DSCAM: variants seen among roughly 807,000 people sequenced by gnomAD.
DSCAM encodes the protein cell adhesion molecule DSCAM.
In DSCAM, 47 loss-of-function variants were observed where a neutral mutation model predicts 217.7. The observed-to-expected ratio is 0.22, with a 90% CI of 0.17 to 0.28. The LOEUF is 0.28. DSCAM is among the 10% of genes least tolerant of loss of function. The pLI, the probability that DSCAM is intolerant of heterozygous loss-of-function variation, is 1.00. For missense variants in DSCAM, 2,080 were observed against 2,618.3 expected (o/e 0.79, Z 4.49); for synonymous variants, 1,056 against 1,015.3 (o/e 1.04, Z -0.76).
At chr21:40,150,001 C>A (rs1435575414) in intron 16 of DSCAM, among the ~76,000 whole-genome samples, 1 of 152,258 alleles carries the variant, frequency 6.6e-6, no homozygotes, top group Non-Finnish European at 1.5e-5. Context: ...ACAATGACCA[C>A]AACTACTACT....
intron 3 of DSCAM, among the ~76,000 whole-genome samples, chr21:40,575,387 C>G (rs1188165162): frequency 1.3e-5 from 2 of 152,042 alleles, no homozygotes; most frequent in Non-Finnish European, 2.9e-5. Context: ...GTTTGGTGAT[C>G]TCTTCACACG....
chr21:40,296,722 T>C (rs564953590), intron 9 of DSCAM, among the ~76,000 whole-genome samples: 35 of 149,658 alleles, frequency 2.3e-4, no homozygotes, highest in Non-Finnish European at 4.0e-4. Flanking sequence ...TCCTAGCTAC[T>C]CAGGAGGCGG....
chr21:40,462,891 T>C (rs545975030), intron 3 of DSCAM, among the ~76,000 whole-genome samples: 1 of 152,312 alleles, frequency 6.6e-6, no homozygotes, highest in Admixed American at 6.5e-5. Context: ...CAACCCCCAG[T>C]CATTTCTGAA....
chr21:40,538,606 T>C (rs2076518409), intron 3 of DSCAM, among the ~76,000 whole-genome samples: 1 of 152,188 alleles, frequency 6.6e-6, no homozygotes, highest in Admixed American at 6.5e-5. Flanking sequence ...TGCCATACAA[T>C]GAATTCTGGA....
intron 20 of DSCAM, among the ~76,000 whole-genome samples, chr21:40,096,567 AGT>A (rs2089680482): frequency 6.6e-6 from 1 of 152,186 alleles, no homozygotes; most frequent in Admixed American, 6.5e-5. Context: ...ACATGCACAT[AGT>A]GGAGTTCCTA....
intron 3 of DSCAM, among the ~76,000 whole-genome samples, chr21:40,488,625 C>A (rs996264690): frequency 1.3e-5 from 2 of 152,126 alleles, no homozygotes; most frequent in South Asian, 2.1e-4. Context: ...TCACTAAAGA[C>A]GCCACTGTGA....
chr21:40,443,780 G>A (rs2075651763), intron 3 of DSCAM, among the ~76,000 whole-genome samples: 1 of 152,152 alleles, frequency 6.6e-6, no homozygotes, highest in African/African-American at 2.4e-5. Flanking sequence ...CATTCCTACA[G>A]TTGTAGTGAT....
At chr21:40,408,338 A>C (rs2075295822) in intron 3 of DSCAM, among the ~76,000 whole-genome samples, 1 of 152,168 alleles carries the variant, frequency 6.6e-6, no homozygotes, top group Non-Finnish European at 1.5e-5. Context: ...AAGGTAACTT[A>C]TTAAAATAGA....
chr21:40,389,513 C>T lies in DSCAM; in HGVS notation c.509-20268G>A, dbSNP rs575877462. Among the ~76,000 whole-genome samples the T allele has an allele frequency of 7.9e-5, 12 of 152,296 alleles. No individual in the cohort carries two copies. In the East Asian group the frequency reaches 1.9e-3, roughly 24 times the overall value. ...CATAATAGGATTTTTATCATTAATA[C>T]TGTCCAGGTATATTGATTAAATTAT... is the stretch of plus-strand genomic sequence containing the variant. On this transcript the variant is annotated intron_variant, in intron 3 of 32. Coordinates refer to ENST00000400454, the MANE Select transcript of DSCAM (RefSeq NM_001389.5).
chr21:40,090,042 G>T (rs973401598), intron 21 of DSCAM, among the ~76,000 whole-genome samples: 10 of 151,952 alleles, frequency 6.6e-5, no homozygotes, highest in African/African-American at 2.4e-4. Context: ...TCACACTTCT[G>T]GGCTTCCCTC....
At chr21:40,584,439 C>T (rs555956215) in intron 3 of DSCAM, among the ~76,000 whole-genome samples, 2 of 152,150 alleles carry the variant, frequency 1.3e-5, no homozygotes, top group African/African-American at 2.4e-5. Context: ...TCAGAAGCGT[C>T]GGCAGCAGGG....
At position 40,620,135 on chromosome 21, in the gene DSCAM, AAG is replaced by A. The variant is rs768744422; in HGVS notation, c.508+72673_508+72674del. On this transcript the variant is annotated intron_variant, in intron 3 of 32. Coordinates refer to ENST00000400454, the MANE Select transcript of DSCAM (RefSeq NM_001389.5). ...AGAAAAAGAAAGAAAGAGAGAGAGA[AAG>A]AGAGAGAAAAAAGAAAAAGAAAGAA... Among the ~76,000 whole-genome samples the A allele has an allele frequency of 6.6e-3, 709 of 107,104 alleles. 44 individuals carry two copies. The highest frequency in any genetic ancestry group is 9.7e-3 in the Non-Finnish European group (515 of 52,852). The allele number at this position is 107,104 out of a possible 152,430, so 70.3% of individuals were successfully genotyped here. A position where few individuals can be genotyped will look rare whatever the true frequency, so the allele number is the denominator to read the frequency against.
intron 3 of DSCAM, among the ~76,000 whole-genome samples, chr21:40,484,065 C>A (rs966922219): frequency 6.6e-6 from 1 of 152,204 alleles, no homozygotes; most frequent in Non-Finnish European, 1.5e-5. Flanking sequence ...AGATGTTAGA[C>A]AAGGTTCTTG....
chr21:40,271,301 G>A (rs2073612990), intron 11 of DSCAM, among the ~76,000 whole-genome samples: 1 of 152,234 alleles, frequency 6.6e-6, no homozygotes, highest in Non-Finnish European at 1.5e-5. Context: ...CTCCAGGGAA[G>A]CGCCTGTTCC....
chr21:40,109,114 C>T (rs2089861325), intron 20 of DSCAM, among the ~76,000 whole-genome samples: 1 of 152,098 alleles, frequency 6.6e-6, no homozygotes, highest in African/African-American at 2.4e-5. Flanking sequence ...GATGAAGACA[C>T]CAAAAGCAAT....
At chr21:40,799,632 C>G (rs7282394) in intron 1 of DSCAM, among the ~76,000 whole-genome samples, 137,699 of 152,256 alleles carry the variant, frequency 0.9, 62,365 homozygotes, top group African/African-American at 0.94. Context: ...AGCTTTTCCA[C>G]CTCATAAAGT....
chr21:40,474,734 T>C (rs577465046), intron 3 of DSCAM, among the ~76,000 whole-genome samples: 4 of 152,234 alleles, frequency 2.6e-5, no homozygotes, highest in African/African-American at 9.6e-5. Context: ...CCAGACATAA[T>C]AAATAATGGT....
intron 6 of DSCAM, among the ~76,000 whole-genome samples, chr21:40,344,187 C>G (rs1056812650): frequency 9.9e-5 from 15 of 152,174 alleles, no homozygotes; most frequent in African/African-American, 3.4e-4. Context: ...GCGTGAGCGA[C>G]AGCACATGGC....
chr21:40,153,618 G>A (rs76184907), intron 16 of DSCAM, among the ~76,000 whole-genome samples: 3,746 of 152,250 alleles, frequency 0.025, 179 homozygotes, highest in African/African-American at 0.084. Context: ...TGTATGTAGT[G>A]GTATGGTGCG....
Sources: allele counts gnomAD v4.1 joint callset (sites outside exome capture counted in the v4.1 genomes callset), GRCh38; gene constraint gnomAD v4.1.1; transcripts MANE v1.5; gene names NCBI Gene and HGNC (gene_info 2026-07-23, HGNC 2026-07-21).